ELAPOR2: variants seen among roughly 807,000 people sequenced by gnomAD.
ELAPOR2 encodes the protein endosome-lysosome associated apoptosis and autophagy regulator family member 2.
Under a neutral mutation model 120.7 loss-of-function variants are expected in ELAPOR2, and 89 were observed. The observed-to-expected ratio is 0.74, with a 90% CI of 0.62 to 0.88. The LOEUF is 0.88. Among genes scored for constraint, ELAPOR2 ranks in the 40% least tolerant of loss-of-function variants. The probability of loss-of-function intolerance (pLI) is 0.00; values close to 1 mark genes in which losing one functional copy is unlikely to be tolerated. For missense variants in ELAPOR2, 1,134 were observed against 1,251.6 expected (o/e 0.91, Z 1.42); for synonymous variants, 444 against 444.9 (o/e 1.00, Z 0.03).
chr7:86,923,639 C>T (rs1397039944), intron 10 of ELAPOR2, among the ~76,000 whole-genome samples: 1 of 151,924 alleles, frequency 6.6e-6, no homozygotes, highest in Non-Finnish European at 1.5e-5. Flanking sequence ...GTATTTTTGG[C>T]TTGGAGAATA....
intron 1 of ELAPOR2, among the ~76,000 whole-genome samples, chr7:87,024,040 A>C (rs1045329249): frequency 3.3e-5 from 5 of 152,120 alleles, no homozygotes; most frequent in African/African-American, 1.2e-4. Flanking sequence ...CTCTTTGCCT[A>C]ATTGAATACC....
At chr7:87,024,998 A>C (rs529697910) in intron 1 of ELAPOR2, among the ~76,000 whole-genome samples, 1 of 152,056 alleles carries the variant, frequency 6.6e-6, no homozygotes, top group African/African-American at 2.4e-5. Flanking sequence ...AAAAAAAAAA[A>C]AAACCATAGG....
chr7:86,977,673 T>A (rs1792326809), intron 1 of ELAPOR2, among the ~76,000 whole-genome samples: 1 of 152,210 alleles, frequency 6.6e-6, no homozygotes, highest in Non-Finnish European at 1.5e-5. Context: ...TTTTCCTACA[T>A]CAGTTTCAAA....
At chr7:87,051,888 G>A (rs1196703719) in intron 1 of ELAPOR2, among the ~76,000 whole-genome samples, 2 of 152,200 alleles carry the variant, frequency 1.3e-5, no homozygotes, top group Non-Finnish European at 2.9e-5. Context: ...ATCAGGCTAT[G>A]ATCTCCTGGA....
intron 1 of ELAPOR2, among the ~76,000 whole-genome samples, chr7:87,043,320 T>G (rs1170575163): frequency 1.3e-5 from 2 of 151,278 alleles, no homozygotes; most frequent in Admixed American, 1.3e-4. Context: ...AAAGAGAATT[T>G]TAGACCAATA....
chr7:87,043,486 T>C (rs1428923154), intron 1 of ELAPOR2, among the ~76,000 whole-genome samples: 2 of 151,690 alleles, frequency 1.3e-5, no homozygotes, highest in Non-Finnish European at 2.9e-5. Flanking sequence ...TAATCCAGCA[T>C]ATAAACAGAG....
intron 1 of ELAPOR2, among the ~76,000 whole-genome samples, chr7:86,975,211 A>G (rs1372608227): frequency 6.6e-6 from 1 of 152,198 alleles, no homozygotes; most frequent in Non-Finnish European, 1.5e-5. Context: ...AAAAAATTAT[A>G]AAAATTCAAT....
intron 1 of ELAPOR2, among the ~76,000 whole-genome samples, chr7:87,029,138 A>G (rs938744118): frequency 1.3e-5 from 2 of 152,086 alleles, no homozygotes; most frequent in South Asian, 4.1e-4. Context: ...TATAATGTCT[A>G]TCTCTTTTTA....
At chr7:86,991,852 G>C (rs935255890) in intron 1 of ELAPOR2, among the ~76,000 whole-genome samples, 3 of 152,148 alleles carry the variant, frequency 2.0e-5, no homozygotes, top group Admixed American at 6.5e-5. Flanking sequence ...TAGAGAATGT[G>C]TGCTCTCCCT....
intron 1 of ELAPOR2, among the ~76,000 whole-genome samples, chr7:86,984,166 A>G (rs912364882): frequency 3.6e-4 from 55 of 152,310 alleles, no homozygotes; most frequent in Non-Finnish European, 6.2e-4. Flanking sequence ...CTAATACAGG[A>G]GCACCTAGAT....
intron 1 of ELAPOR2, among the ~76,000 whole-genome samples, chr7:86,989,354 T>C (rs544910292): frequency 6.6e-6 from 1 of 152,342 alleles, no homozygotes; most frequent in East Asian, 1.9e-4. Flanking sequence ...TTGTCTACCT[T>C]GGCTCACAAT....
chr7:86,994,777 G>C (rs1793070787), intron 1 of ELAPOR2, among the ~76,000 whole-genome samples: 1 of 152,140 alleles, frequency 6.6e-6, no homozygotes, highest in Non-Finnish European at 1.5e-5. Flanking sequence ...GACACATATA[G>C]GAGTAATTCA....
At chr7:87,039,649 T>C (rs1447064487) in intron 1 of ELAPOR2, among the ~76,000 whole-genome samples, 4 of 152,056 alleles carry the variant, frequency 2.6e-5, no homozygotes, top group African/African-American at 7.2e-5. Flanking sequence ...GAATGAAGGA[T>C]AAAAGCTACA....
At chr7:86,976,119 A>C (rs557899521) in intron 1 of ELAPOR2, among the ~76,000 whole-genome samples, 2 of 152,230 alleles carry the variant, frequency 1.3e-5, no homozygotes, top group South Asian at 4.1e-4. Context: ...ATTCCACAAC[A>C]ACCATGCAAA....
intron 19 of ELAPOR2, among the ~76,000 whole-genome samples, chr7:86,893,921 C>T (rs971948552): frequency 6.6e-5 from 10 of 152,146 alleles, no homozygotes; most frequent in Admixed American, 1.3e-4. Flanking sequence ...TCAACATGTA[C>T]GGTGACCAGT....
intron 1 of ELAPOR2, among the ~76,000 whole-genome samples, chr7:86,973,307 A>G (rs780020812): frequency 6.6e-6 from 1 of 152,152 alleles, no homozygotes; most frequent in Non-Finnish European, 1.5e-5. Context: ...TTATTCATAT[A>G]TGAAATATTG....
intron 2 of ELAPOR2, among the ~76,000 whole-genome samples, chr7:86,959,410 G>C (rs1263164907): frequency 6.6e-6 from 1 of 151,814 alleles, no homozygotes; most frequent in Non-Finnish European, 1.5e-5. Context: ...CCAGATCTTA[G>C]AAAAAAAAGC....
intron 1 of ELAPOR2, among the ~76,000 whole-genome samples, chr7:86,969,766 A>G (rs900335483): frequency 2.6e-5 from 4 of 152,212 alleles, no homozygotes; most frequent in African/African-American, 9.6e-5. Flanking sequence ...AAGGACCTTT[A>G]AATGTTAGAA....
intron 2 of ELAPOR2, among the ~76,000 whole-genome samples, chr7:86,958,633 C>T (rs1791573701): frequency 6.6e-6 from 1 of 152,160 alleles, no homozygotes; most frequent in Non-Finnish European, 1.5e-5. Context: ...CCCAGGAAAA[C>T]CAGATGCTGC....
Sources: allele counts gnomAD v4.1 joint callset (sites outside exome capture counted in the v4.1 genomes callset), GRCh38; gene constraint gnomAD v4.1.1; transcripts MANE v1.5; gene names NCBI Gene and HGNC (gene_info 2026-07-23, HGNC 2026-07-21).